Variants in FRAS1 observed in about 807,000 individuals in gnomAD.
FRAS1 encodes Fraser extracellular matrix complex subunit 1, also known as extracellular matrix organizing protein FRAS1.
In FRAS1, 290 loss-of-function variants were observed where a neutral mutation model predicts 435.2. That is an observed-to-expected ratio of 0.67 (90% CI 0.61 to 0.73). The LOEUF is 0.73. Among genes scored for constraint, FRAS1 ranks in the 30% least tolerant of loss-of-function variants. The pLI, the probability that FRAS1 is intolerant of heterozygous loss-of-function variation, is 0.00. For missense variants in FRAS1, 4,860 were observed against 5,001.5 expected, an observed-to-expected ratio of 0.97 and a Z score of 0.85; for synonymous variants, 1,800 against 1,851.0, an observed-to-expected ratio of 0.97 and a Z score of 0.71.
chr4:78,281,924 G>A (rs1727350730), intron 11 of FRAS1, among the ~76,000 whole-genome samples: 1 of 152,186 alleles, frequency 6.6e-6, no homozygotes, highest in African/African-American at 2.4e-5. Flanking sequence ...ACAATAAGGG[G>A]TCTGATCTCA....
chr4:78,479,596 C>T lies in FRAS1; in HGVS notation c.8321C>T (p.Ala2774Val), dbSNP rs1719949336. ...GAAGAAGAGTTTGAGATTGCCTTGG[C>T]AGATGCCTCTGACAATGCCCGCATT... ...EEEEEFEIALADASDNARIGR... is the reference protein window; with the variant it reads ...EEEEEFEIALVDASDNARIGR... Residue 2774 changes from alanine to valine, a missense_variant, in exon 56 of 74, where the codon GCA becomes GTA. Ala to Val is a moderately conservative substitution (Grantham distance 64). Coordinates refer to ENST00000512123, the MANE Select transcript of FRAS1 (RefSeq NM_025074.7). The T allele has an allele frequency of 6.2e-7, 1 of 1,613,834 alleles. No homozygotes were observed. Among genetic ancestry groups the T allele is most frequent in the Non-Finnish European group, 8.5e-7 (1 of 1,179,844 alleles).
intron 1 of FRAS1, among the ~76,000 whole-genome samples, chr4:78,061,694 GA>G (rs1341661804): frequency 2.6e-5 from 4 of 152,172 alleles, no homozygotes; most frequent in Non-Finnish European, 2.9e-5. Context: ...GGGAAGAGAA[GA>G]ACTTGGCTGG....
intron 2 of FRAS1, among the ~76,000 whole-genome samples, chr4:78,184,422 T>G (rs530100219): frequency 6.6e-6 from 1 of 152,356 alleles, no homozygotes; most frequent in East Asian, 1.9e-4. Context: ...ATATTTTTTT[T>G]TCCCCTAACT....
intron 29 of FRAS1, among the ~76,000 whole-genome samples, 177 bp downstream of exon 29, chr4:78,387,878 C>G (rs1018279827): frequency 1.3e-5 from 2 of 152,132 alleles, no homozygotes; most frequent in African/African-American, 4.8e-5. Context: ...ATCTGAAAGA[C>G]CTGTCCCCAT....
At chr4:78,317,582 A>G in intron 17 of FRAS1, 74 bp downstream of exon 17, 1 of 1,364,966 alleles carries the variant, frequency 7.3e-7, no homozygotes, top group Non-Finnish European at 9.9e-7. Flanking sequence ...CCAATAATAT[A>G]ACTTTCCAGT....
intron 2 of FRAS1, among the ~76,000 whole-genome samples, chr4:78,113,928 C>G (rs1466725556): frequency 6.6e-6 from 1 of 152,094 alleles, no homozygotes; most frequent in African/African-American, 2.4e-5. Flanking sequence ...AATGGTATTG[C>G]CTAGGTTTTC....
chr4:78,156,351 C>A (rs1720883010), intron 2 of FRAS1, among the ~76,000 whole-genome samples: 1 of 149,854 alleles, frequency 6.7e-6, no homozygotes, highest in African/African-American at 2.5e-5. Context: ...CTCTGCCTAT[C>A]TCTTTGACAG....
At chr4:78,290,324 G>GTA (rs1727825830) in intron 14 of FRAS1, among the ~76,000 whole-genome samples, 1 of 152,236 alleles carries the variant, frequency 6.6e-6, no homozygotes, top group South Asian at 2.1e-4. Context: ...AGAGCCATGT[G>GTA]TACTGCAGGG....
intron 34 of FRAS1, among the ~76,000 whole-genome samples, chr4:78,423,166 C>A (rs2110375637): frequency 6.6e-6 from 1 of 151,362 alleles, no homozygotes; most frequent in Middle Eastern, 3.4e-3. Flanking sequence ...TCTTTCTTTT[C>A]TTTTTCTTTT....
chr4:78,222,725 G>A (rs1724108856), intron 2 of FRAS1, among the ~76,000 whole-genome samples: 1 of 152,154 alleles, frequency 6.6e-6, no homozygotes, highest in African/African-American at 2.4e-5. Context: ...CTCCTAATTT[G>A]CTTTTCAGTC....
At chr4:78,065,645 C>T (rs559269177) in intron 1 of FRAS1, among the ~76,000 whole-genome samples, 2 of 152,210 alleles carry the variant, frequency 1.3e-5, no homozygotes, top group African/African-American at 4.8e-5. Context: ...GGCAGGGAAG[C>T]CTGGATAAGT....
intron 56 of FRAS1, 90 bp from the exon 57 acceptor site, chr4:78,481,714 T>A: frequency 2.1e-6 from 3 of 1,412,610 alleles, no homozygotes; most frequent in Non-Finnish European, 3.0e-6. Context: ...AAGCTGCCAC[T>A]ATTGCAGTGA....
At chr4:78,228,218 TG>T (rs1724355746) in intron 2 of FRAS1, among the ~76,000 whole-genome samples, 1 of 152,328 alleles carries the variant, frequency 6.6e-6, no homozygotes, top group Admixed American at 6.5e-5. Flanking sequence ...ATGAAGTCTC[TG>T]GGAGCTGAAT....
Position 78,286,465 on chromosome 4 carries a change from C to A in FRAS1, c.1460C>A (p.Pro487His), listed in dbSNP as rs1350447784. ...CTGGAGTGCTCATCCTGCCAGCCTC[C>A]CCTGCTGATGCGGCACGGGCAGTGT... ...SGLECSSCQP[P>H]LLMRHGQCVP... Residue 487 changes from proline to histidine, a missense_variant, in exon 14 of 74, where the codon CCC (proline) becomes CAC (histidine). Pro to His is a moderately conservative substitution (Grantham distance 77). Coordinates refer to ENST00000512123, the MANE Select transcript of FRAS1 (RefSeq NM_025074.7). 3 of 1,613,748 alleles carry A rather than the reference C, an allele frequency of 1.9e-6. No individual in the cohort carries two copies. Among genetic ancestry groups the A allele is most frequent in the Non-Finnish European group, 2.5e-6 (3 of 1,179,882 alleles).
intron 2 of FRAS1, among the ~76,000 whole-genome samples, chr4:78,077,331 C>G (rs1393573464): frequency 2.0e-5 from 3 of 152,180 alleles, no homozygotes; most frequent in African/African-American, 7.2e-5. Flanking sequence ...GATCATACCA[C>G]TGCACTCCAG....
chr4:78,251,254 G>T (rs560626234), intron 4 of FRAS1, among the ~76,000 whole-genome samples: 24 of 152,302 alleles, frequency 1.6e-4, no homozygotes, highest in Non-Finnish European at 3.1e-4. Context: ...GAATGGATGG[G>T]AGAGGACTTG....
Position 78,540,772 on chromosome 4 carries a change from C to T in FRAS1, c.11687C>T (p.Ala3896Val), listed in dbSNP as rs1166199475. 6.2e-7 allele frequency: 1 copy of T among 1,613,832 alleles called. No homozygotes were observed. The highest frequency in any genetic ancestry group is 8.5e-7 in the Non-Finnish European group (1 of 1,179,780). Residue 3896 changes from alanine (A) to valine (V), a missense_variant, in exon 74 of 74, where the codon GCT becomes GTT. Coordinates refer to ENST00000512123, the MANE Select transcript of FRAS1 (RefSeq NM_025074.7). ...LNLEMQELAV[A>V]ASLSQTGASI... ...CTGGAGATGCAAGAGTTGGCGGTAG[C>T]TGCGTCCCTGTCACAGACTGGGGCG... is the stretch of plus-strand genomic sequence containing the variant.
At chr4:78,065,572 T>C (rs1269048877) in intron 1 of FRAS1, among the ~76,000 whole-genome samples, 1 of 152,098 alleles carries the variant, frequency 6.6e-6, no homozygotes, top group African/African-American at 2.4e-5. Flanking sequence ...GACATGTAAA[T>C]ATATTACAGG....
intron 14 of FRAS1, among the ~76,000 whole-genome samples, chr4:78,302,044 C>A (rs573895854): frequency 1.5e-4 from 22 of 151,696 alleles, no homozygotes; most frequent in Non-Finnish European, 2.4e-4. Flanking sequence ...GTGATGTTCC[C>A]CTTCCTGTGT....
Sources: gnomAD v4.1 joint callset for allele counts (sites outside exome capture counted in the v4.1 genomes callset) on GRCh38, gnomAD v4.1.1 for gene constraint, MANE v1.5 for transcripts, NCBI Gene and HGNC (gene_info 2026-07-23, HGNC 2026-07-21) for gene names.